Variants in CC2D1B observed in about 807,000 individuals in gnomAD.
CC2D1B encodes the protein coiled-coil and C2 domain-containing protein 1B.
Under a neutral mutation model 110.8 loss-of-function variants are expected in CC2D1B, and 92 were observed. The ratio of observed to expected loss-of-function variants is 0.83; its 90% CI spans 0.70 to 0.99. The LOEUF (loss-of-function observed/expected upper bound fraction) is 0.99. Among genes scored for constraint, CC2D1B ranks in the 50% least tolerant of loss-of-function variants. CC2D1B has a pLI of 0.00. For missense variants in CC2D1B, 1,136 were observed against 1,089.0 expected (o/e 1.04, Z -0.61); for synonymous variants, 406 against 429.2 (o/e 0.95, Z 0.67).
At chr1:52,357,296 C>A in intron 15 of CC2D1B, 170 bp from the exon 16 acceptor site, 2 of 932,506 alleles carry the variant, frequency 2.1e-6, no homozygotes, top group Non-Finnish European at 1.6e-6. Context: ...CCTCCCATGG[C>A]CTGGCCCAGC....
At chr1:52,363,408 A>G (rs1646825046) in intron 2 of CC2D1B, among the ~76,000 whole-genome samples, 1 of 151,980 alleles carries the variant, frequency 6.6e-6, no homozygotes, top group Non-Finnish European at 1.5e-5. Context: ...AAAAAAAAAA[A>G]AAAAGAAGGT....
Position 52,358,400 on chromosome 1 carries a change from C to A in CC2D1B, c.1392G>T (p.Ala464=). The change falls in exon 13 of 25, where the codon GCG becomes GCT. Residue 464 remains alanine (A), a synonymous_variant. Transcript: ENST00000284376. Reference sequence around the variant, plus strand: ...CCAGTTTCTCTGCAGCTGCCAATGTCGCTGCCACTGCGTCCTCCTCAACAC... The same window carrying A: ...CCAGTTTCTCTGCAGCTGCCAATGTAGCTGCCACTGCGTCCTCCTCAACAC... ...TMGVEEDAVA[A]TLAAAEKLAS... 1 of 1,614,102 alleles carries A rather than the reference C, an allele frequency of 6.2e-7. No homozygotes were observed. Among genetic ancestry groups the A allele is most frequent in the Non-Finnish European group, 8.5e-7 (1 of 1,180,012 alleles).
Position 52,358,405 on chromosome 1 carries a change from C to T in CC2D1B, c.1387G>A (p.Ala463Thr), listed in dbSNP as rs1447413316. The T allele has an allele frequency of 2.5e-6, 4 of 1,614,144 alleles. No individual in the cohort carries two copies. Among genetic ancestry groups the T allele is most frequent in the Non-Finnish European group, 3.4e-6 (4 of 1,180,034 alleles). ...TTCTCTGCAGCTGCCAATGTCGCTG[C>T]CACTGCGTCCTCCTCAACACCCATA... ...STMGVEEDAV[A>T]ATLAAAEKLA... The change falls in exon 13 of 25, where the codon GCA becomes ACA. Residue 463 changes from alanine (A) to threonine (T), a missense_variant. Physicochemically the swap from Ala to Thr is moderately conservative, Grantham distance 58 (BLOSUM62 0). Coordinates refer to ENST00000284376, the MANE Select transcript of CC2D1B (RefSeq NM_001330585.2).
chr1:52,363,274 A>G lies in CC2D1B; in HGVS notation c.70-528T>C, dbSNP rs989023351. ...GCCGGGCGCGGTGGCGGGCGCCTGT[A>G]GTCCCAGCTACTCGGGAGGCTGAGG... is the stretch of plus-strand genomic sequence containing the variant. On this transcript the variant is annotated intron_variant, in intron 2 of 24. Transcript: ENST00000284376. 2.0e-5 allele frequency among the ~76,000 whole-genome samples: 3 copies of G among 152,038 alleles called. No homozygotes were observed. In the East Asian group the frequency reaches 5.8e-4, roughly 30 times the overall value.
chr1:52,361,634 C>A lies in CC2D1B; in HGVS notation c.215-18G>T. The A allele has an allele frequency of 6.2e-7, 1 of 1,613,466 alleles. No homozygotes were observed. Among genetic ancestry groups the A allele is most frequent in the Non-Finnish European group, 8.5e-7 (1 of 1,179,952 alleles). On this transcript the variant is annotated intron_variant, in intron 3 of 24. Transcript: ENST00000284376. ...CAGGGGGGCTGGGGGAAAAAGGTCA[C>A]AACAAGTCAGCACAACTCAGATAAG...
At position 52,355,390 on chromosome 1, in the gene CC2D1B, G is replaced by A. The variant is rs1370130496; in HGVS notation, c.2239+8C>T. 1.2e-6 allele frequency: 2 copies of A among 1,613,752 alleles called. No homozygotes were observed. The highest frequency in any genetic ancestry group is 2.7e-5 in the African/African-American group (2 of 74,928). On this transcript the variant is annotated splice_region_variant and intron_variant, in intron 21 of 24. Coordinates refer to ENST00000284376, the MANE Select transcript of CC2D1B (RefSeq NM_001330585.2). ...GGGAGGAGAAAGAGGCCCACGTGTG[G>A]CCCTCACCTGGAGAGTTTGTGTTCT... is the stretch of plus-strand genomic sequence containing the variant.
At position 52,357,094 on chromosome 1, in the gene CC2D1B, G is replaced by A. The variant is rs1424415163; in HGVS notation, c.1785C>T (p.Asp595=). 6.2e-7 allele frequency: 1 copy of A among 1,613,538 alleles called. No individual in the cohort carries two copies. Among genetic ancestry groups the A allele is most frequent in the African/African-American group, 1.3e-5 (1 of 75,024 alleles). ...GGTCCTCATGGTGGATGAGGATGAA[G>A]TCACCCTCCTCATCCGTCAAGGGCG... ...VPSPLTDEEG[D]FILIHHEDLR... is the part of the protein sequence containing the mutation. Residue 595 remains aspartate (D), a synonymous_variant, in exon 16 of 25, where the codon GAC becomes GAT. Transcript: ENST00000284376.
At position 52,355,846 on chromosome 1, in the gene CC2D1B, T is replaced by C; in HGVS notation, c.2055-2A>G. The C allele has an allele frequency of 6.2e-7, 1 of 1,614,068 alleles. No homozygotes were observed. On this transcript the variant is annotated splice_acceptor_variant, in intron 18 of 24. Coordinates refer to ENST00000284376, the MANE Select transcript of CC2D1B (RefSeq NM_001330585.2). LOFTEE classifies it high-confidence loss of function. ...GTGCTGTTGAGTTCTGAGAAGATCCTAGAGCCAAGCGGGAAGGAGAAAATG... is the reference window on the plus strand; with the variant it reads ...GTGCTGTTGAGTTCTGAGAAGATCCCAGAGCCAAGCGGGAAGGAGAAAATG...
In CC2D1B at chr1:52,353,616, T is replaced by G. The variant is rs575473780; in HGVS notation, c.2462A>C (p.Lys821Thr). 2 of 1,610,378 alleles carry G rather than the reference T, an allele frequency of 1.2e-6. No individual in the cohort carries two copies. The change falls in exon 24 of 25, where the codon AAG becomes ACG. Residue 821 changes from lysine (K) to threonine (T), a missense_variant. Lys to Thr is a moderately conservative substitution (Grantham distance 78). Coordinates refer to ENST00000284376, the MANE Select transcript of CC2D1B (RefSeq NM_001330585.2). Reference protein sequence around the residue: ...VLDGRKPTGGKLEVKVRLREP... With the variant: ...VLDGRKPTGGTLEVKVRLREP... The stretch of plus-strand genomic sequence containing the variant: ...CCGCAGCCTCACCTTCACCTCCAGC[T>G]TCCCCCCGGTGGGCTTCCTTCCATC...
rs1464396043 is a variant in CC2D1B, at chr1:52,351,751, G to T, written c.*1474C>A. 2 of 152,214 alleles carry T rather than the reference G, an allele frequency of 1.3e-5. No homozygotes were observed. The highest frequency in any genetic ancestry group is 3.9e-4 in the East Asian group (2 of 5,184). 9.4% of individuals were successfully genotyped at this position (152,214 alleles called of 1,614,324 possible). On this transcript the variant is annotated 3_prime_UTR_variant, in exon 25 of 25. Coordinates refer to ENST00000284376, the MANE Select transcript of CC2D1B (RefSeq NM_001330585.2). ...ATAAAAAAATTAGCTGGGCATAGTG[G>T]TGGGTGCCTGTAATCCCAGCTACTC... is the stretch of plus-strand genomic sequence containing the variant.
At chr1:52,363,420 C>G (rs1646825723) in intron 2 of CC2D1B, among the ~76,000 whole-genome samples, 1 of 151,792 alleles carries the variant, frequency 6.6e-6, no homozygotes, top group South Asian at 2.1e-4. Flanking sequence ...AAAGAAGGTC[C>G]TATTTTTTTA....
At chr1:52,358,096 G>A (rs917500892) in intron 13 of CC2D1B, 198 bp from the exon 14 acceptor site, 3 of 904,836 alleles carry the variant, frequency 3.3e-6, no homozygotes, top group African/African-American at 1.7e-5. Context: ...TCCCCAGCAG[G>A]AGAGAGACTG....
chr1:52,355,851 C>T lies in CC2D1B; in HGVS notation c.2055-7G>A, dbSNP rs748933095. 3 of 1,613,868 alleles carry T rather than the reference C, an allele frequency of 1.9e-6. No individual in the cohort carries two copies. The highest frequency in any genetic ancestry group is 2.2e-5 in the South Asian group (2 of 91,084). On this transcript the variant is annotated splice_polypyrimidine_tract_variant and splice_region_variant and intron_variant, in intron 18 of 24. Coordinates refer to ENST00000284376, the MANE Select transcript of CC2D1B (RefSeq NM_001330585.2). ...GTTGAGTTCTGAGAAGATCCTAGAGCCAAGCGGGAAGGAGAAAATGCTCAA... is the reference window on the plus strand; with the variant it reads ...GTTGAGTTCTGAGAAGATCCTAGAGTCAAGCGGGAAGGAGAAAATGCTCAA...
intron 2 of CC2D1B, among the ~76,000 whole-genome samples, chr1:52,363,440 A>G (rs1043109517): frequency 1.3e-5 from 2 of 152,010 alleles, no homozygotes; most frequent in African/African-American, 4.8e-5. Context: ...AAACTCTGGT[A>G]AAACACATAC....
intron 2 of CC2D1B, among the ~76,000 whole-genome samples, chr1:52,362,948 C>T (rs1323951447): frequency 2.0e-5 from 3 of 152,204 alleles, no homozygotes; most frequent in East Asian, 3.8e-4. Flanking sequence ...CCCAGTAAGA[C>T]CACACTGAAA....
chr1:52,359,649 A>AGCCTG, intron 8 of CC2D1B, 56 bp downstream of exon 8: 1 of 1,550,816 alleles, frequency 6.4e-7, no homozygotes, highest in Non-Finnish European at 8.7e-7. Flanking sequence ...TCCCTTTCTG[A>AGCCTG]GCCTGTTTCC....
rs1399300265 is a variant in CC2D1B at position 52,351,591 on chromosome 1, G to C, written c.*1634C>G. The C allele has an allele frequency of 6.6e-6, 1 of 151,950 alleles. No homozygotes were observed. The highest frequency in any genetic ancestry group is 6.6e-5 in the Admixed American group (1 of 15,222). 9.4% of individuals were successfully genotyped at this position (151,950 alleles called of 1,614,324 possible). A position where few individuals can be genotyped will look rare whatever the true frequency, so the allele number is the denominator to read the frequency against. On this transcript the variant is annotated 3_prime_UTR_variant, in exon 25 of 25. Coordinates refer to ENST00000284376, the MANE Select transcript of CC2D1B (RefSeq NM_001330585.2). ...GTGGAAGTTTTGGTAGCTCACTTCTGATAAGATTGGCCAGCCGGGTGCGGT... is the reference window on the plus strand; with the variant it reads ...GTGGAAGTTTTGGTAGCTCACTTCTCATAAGATTGGCCAGCCGGGTGCGGT...
intron 5 of CC2D1B, 67 bp downstream of exon 5, chr1:52,360,907 C>G: frequency 6.4e-7 from 1 of 1,566,064 alleles, no homozygotes; most frequent in Non-Finnish European, 8.7e-7. Flanking sequence ...GCAGGCCAGG[C>G]CACACACGTG....
rs1326758638 is a variant in CC2D1B, at chr1:52,352,927, G to A, written c.*298C>T. The A allele has an allele frequency of 3.5e-6, 1 of 286,254 alleles. No homozygotes were observed. Among genetic ancestry groups the A allele is most frequent in the East Asian group, 9.9e-5 (1 of 10,142 alleles). 17.7% of individuals were successfully genotyped at this position (286,254 alleles called of 1,614,324 possible). A position where few individuals can be genotyped will look rare whatever the true frequency, so the allele number is the denominator to read the frequency against. Reference sequence around the variant, plus strand: ...ACACAGTTGCCACGCAGGGGTTAAGGGGCTGCAGGACTCCATGGTACAGAG... The same window carrying A: ...ACACAGTTGCCACGCAGGGGTTAAGAGGCTGCAGGACTCCATGGTACAGAG... On this transcript the variant is annotated 3_prime_UTR_variant, in exon 25 of 25. Transcript: ENST00000284376.
Sources: allele counts gnomAD v4.1 joint callset (sites outside exome capture counted in the v4.1 genomes callset), GRCh38; gene constraint gnomAD v4.1.1; transcripts MANE v1.5; gene names NCBI Gene and HGNC (gene_info 2026-07-23, HGNC 2026-07-21).